The following CADPS variants were observed in gnomAD, a reference collection of about 807,000 sequenced individuals.
The protein encoded by CADPS is calcium-dependent secretion activator 1.
CADPS carries 57 observed loss-of-function variants against 167.3 expected under a neutral mutation model. That is an observed-to-expected ratio of 0.34 (90% CI 0.28 to 0.42). The LOEUF is 0.42. CADPS is among the 20% of genes least tolerant of loss of function. CADPS has a pLI of 1.00. For synonymous variants in CADPS, 676 were observed against 635.3 expected, an observed-to-expected ratio of 1.06 and a Z score of -0.96; for missense variants, 1,414 against 1,738.1, an observed-to-expected ratio of 0.81 and a Z score of 3.32.
chr3:62,811,282 G>A (rs990806953), intron 1 of CADPS, among the ~76,000 whole-genome samples: 14 of 151,416 alleles, frequency 9.2e-5, no homozygotes, highest in African/African-American at 3.2e-4. Context: ...CCTCCTACCA[G>A]CCAATCTTAT....
intron 8 of CADPS, among the ~76,000 whole-genome samples, chr3:62,575,735 T>G (rs986747534): frequency 2.0e-5 from 3 of 152,210 alleles, no homozygotes; most frequent in Non-Finnish European, 4.4e-5. Flanking sequence ...TGACAAACTT[T>G]GGTTTCTTTT....
rs1033763962 is a variant in CADPS at position 62,478,570 on chromosome 3, G to A, written c.3174-154C>T. Among the ~76,000 whole-genome samples, 2 of 152,022 alleles carry A rather than the reference G, an allele frequency of 1.3e-5. No homozygotes were observed. The highest frequency in any genetic ancestry group is 2.1e-4 in the South Asian group (1 of 4,824). On this transcript the variant is annotated intron_variant, in intron 22 of 29. Coordinates refer to ENST00000383710, the MANE Select transcript of CADPS (RefSeq NM_003716.4). The surrounding 1 kb of genome is among the most constrained non-coding windows in gnomAD (Gnocchi z 5.7). ...GTGGAGGCGGGGGCGAGTCTCCACC[G>A]GCAGATTTTGAGTTTTACCATACAT...
At chr3:62,667,881 G>T (rs1476261813) in intron 3 of CADPS, among the ~76,000 whole-genome samples, 1 of 152,052 alleles carries the variant, frequency 6.6e-6, no homozygotes, top group African/African-American at 2.4e-5. Flanking sequence ...GGAATGCCCT[G>T]TCTGACCTCT....
chr3:62,777,998 C>A (rs9874706), intron 1 of CADPS, among the ~76,000 whole-genome samples: 47,423 of 151,992 alleles, frequency 0.31, 8,003 homozygotes, highest in African/African-American at 0.44. Flanking sequence ...TGGCTTATTA[C>A]AATGCTATTT....
At chr3:62,529,911 T>C (rs1337447769) in intron 13 of CADPS, among the ~76,000 whole-genome samples, 2 of 152,186 alleles carry the variant, frequency 1.3e-5, no homozygotes, top group African/African-American at 4.8e-5. Flanking sequence ...GTGTTAATTT[T>C]GGGTGACGGT....
chr3:62,694,824 G>T (rs923154630), intron 3 of CADPS, among the ~76,000 whole-genome samples: 2 of 152,014 alleles, frequency 1.3e-5, no homozygotes, highest in African/African-American at 4.8e-5. Flanking sequence ...CAGTTATATT[G>T]CTGGTTAGGA....
At chr3:62,736,143 C>T (rs1564479806) in intron 3 of CADPS, among the ~76,000 whole-genome samples, 1 of 152,128 alleles carries the variant, frequency 6.6e-6, no homozygotes. Flanking sequence ...TGAGCCAGTC[C>T]TTCACCTGTC....
chr3:62,423,261 G>A (rs189958631), intron 28 of CADPS, among the ~76,000 whole-genome samples: 11 of 152,278 alleles, frequency 7.2e-5, no homozygotes, highest in African/African-American at 2.2e-4. Flanking sequence ...CCACATTCAC[G>A]AAAAGACCTG....
At chr3:62,775,181 G>T (rs1246016929) in intron 1 of CADPS, among the ~76,000 whole-genome samples, 1 of 151,130 alleles carries the variant, frequency 6.6e-6, no homozygotes, top group Non-Finnish European at 1.5e-5. Context: ...GGGATTACAG[G>T]CATGCACCAC....
At chr3:62,454,581 T>A (rs2058462468) in intron 26 of CADPS, among the ~76,000 whole-genome samples, 1 of 152,174 alleles carries the variant, frequency 6.6e-6, no homozygotes, top group East Asian at 1.9e-4. Flanking sequence ...AGTCCTACCA[T>A]GACTGTGGAA....
At chr3:62,851,575 TTTTC>T (rs2078598715) in intron 1 of CADPS, among the ~76,000 whole-genome samples, 1 of 144,010 alleles carries the variant, frequency 6.9e-6, no homozygotes, top group Non-Finnish European at 1.5e-5. Flanking sequence ...TTGAAAATTC[TTTTC>T]TTTAAGAATG....
At chr3:62,462,253 CTGCTGCTGA>C (rs1679388082) in intron 26 of CADPS, among the ~76,000 whole-genome samples, 1 of 152,282 alleles carries the variant, frequency 6.6e-6, no homozygotes, top group African/African-American at 2.4e-5. Flanking sequence ...CAGGCTGCTA[CTGCTGCTGA>C]AGCTGGTGAG....
chr3:62,598,868 A>G (rs965572172), intron 6 of CADPS, among the ~76,000 whole-genome samples: 3 of 152,150 alleles, frequency 2.0e-5, no homozygotes, highest in African/African-American at 7.2e-5. Context: ...CTGTTTCAAG[A>G]CTGGTGGGAC....
rs751279751 is a variant in CADPS at position 62,536,497 on chromosome 3, A to G, written c.2051T>C (p.Met684Thr). Reference sequence around the variant, plus strand: ...GTGATCCAAAGTAAGGCGTTGTACCATCTCAAAGAGGGAAGCGTGGTCAAA... The same window carrying G: ...GTGATCCAAAGTAAGGCGTTGTACCGTCTCAAAGAGGGAAGCGTGGTCAAA... ...CNFDHASLFE[M>T]VQRLTLDHRL... The change falls in exon 12 of 30, where the codon ATG becomes ACG. Residue 684 changes from methionine (M) to threonine (T), a missense_variant. This residue lies in a region of CADPS where 529 missense variants were observed against 629.6 expected (regional missense o/e 0.84). Transcript: ENST00000383710. The G allele has an allele frequency of 1.6e-5, 26 of 1,613,516 alleles. No homozygotes were observed. The highest frequency in any genetic ancestry group is 2.2e-5 in the East Asian group (1 of 44,856).
intron 1 of CADPS, among the ~76,000 whole-genome samples, chr3:62,851,394 A>C (rs1429198029): frequency 7.3e-6 from 1 of 136,172 alleles, no homozygotes; most frequent in African/African-American, 2.7e-5. Flanking sequence ...TTTTGGCATG[A>C]TTTTGCAGCG....
At chr3:62,617,045 A>G (rs2062428250) in intron 6 of CADPS, among the ~76,000 whole-genome samples, 2 of 152,296 alleles carry the variant, frequency 1.3e-5, no homozygotes, top group South Asian at 4.1e-4. Flanking sequence ...TTAATTGATA[A>G]TCTACTCTTT....
At chr3:62,778,798 T>G (rs1419339491) in intron 1 of CADPS, among the ~76,000 whole-genome samples, 1 of 152,212 alleles carries the variant, frequency 6.6e-6, no homozygotes, top group East Asian at 1.9e-4. Context: ...CTATGGTATA[T>G]TTTTATAAAG....
At chr3:62,790,521 C>A (rs1232470111) in intron 1 of CADPS, among the ~76,000 whole-genome samples, 3 of 152,064 alleles carry the variant, frequency 2.0e-5, no homozygotes, top group African/African-American at 7.2e-5. Context: ...TGATTACTGT[C>A]ATTTAGAGGC....
intron 18 of CADPS, among the ~76,000 whole-genome samples, chr3:62,495,655 G>A (rs1337744524): frequency 6.6e-6 from 1 of 152,142 alleles, no homozygotes; most frequent in African/African-American, 2.4e-5. Flanking sequence ...AAACTAACAT[G>A]TATATATGTA....
Sources: allele counts gnomAD v4.1 joint callset (sites outside exome capture counted in the v4.1 genomes callset), GRCh38; gene constraint gnomAD v4.1.1; regional missense constraint gnomAD v4.1.1; non-coding constraint Gnocchi (gnomAD v3.1); transcripts MANE v1.5; gene names NCBI Gene and HGNC (gene_info 2026-07-23, HGNC 2026-07-21).